DNM3: variants seen among roughly 807,000 people sequenced by gnomAD.
DNM3 encodes dynamin 3, also known as dynamin-3.
Under a neutral mutation model 101.6 loss-of-function variants are expected in DNM3, and 47 were observed. The ratio of observed to expected loss-of-function variants is 0.46; its 90% CI spans 0.37 to 0.59. The LOEUF (loss-of-function observed/expected upper bound fraction) is 0.59. DNM3 is among the 20% of genes least tolerant of loss of function. The pLI, the probability that DNM3 is intolerant of heterozygous loss-of-function variation, is 0.00. For synonymous variants in DNM3, 385 were observed against 387.9 expected (o/e 0.99, Z 0.09); for missense variants, 849 against 1,085.7 (o/e 0.78, Z 3.06).
At chr1:172,078,925 T>G (rs80070310) in intron 11 of DNM3, among the ~76,000 whole-genome samples, 6 of 152,196 alleles carry the variant, frequency 3.9e-5, no homozygotes, top group Non-Finnish European at 7.4e-5. Flanking sequence ...GAAATTTCTT[T>G]AAGAATGTTG....
intron 14 of DNM3, among the ~76,000 whole-genome samples, chr1:172,231,793 A>G (rs1206457557): frequency 2.6e-5 from 4 of 152,242 alleles, no homozygotes; most frequent in Non-Finnish European, 4.4e-5. Flanking sequence ...CTATGTGATG[A>G]ATGCACAAGC....
At chr1:172,364,942 A>G (rs2067930507) in intron 17 of DNM3, among the ~76,000 whole-genome samples, 1 of 151,906 alleles carries the variant, frequency 6.6e-6, no homozygotes, top group Non-Finnish European at 1.5e-5. Context: ...AGATGCTAGT[A>G]TCATGCTTTC....
chr1:172,304,239 A>T (rs1286477137), intron 15 of DNM3, among the ~76,000 whole-genome samples: 2 of 145,886 alleles, frequency 1.4e-5, no homozygotes, highest in Admixed American at 6.7e-5. Context: ...TTGCAATCCT[A>T]GTCTCTGATA....
intron 12 of DNM3, among the ~76,000 whole-genome samples, chr1:172,088,165 T>A (rs1358529364): frequency 1.3e-5 from 2 of 152,224 alleles, no homozygotes; most frequent in African/African-American, 4.8e-5. Context: ...TTGATGCTCT[T>A]GACTATCAAG....
intron 4 of DNM3, 22 bp downstream of exon 4, chr1:171,989,170 T>C: frequency 6.2e-7 from 1 of 1,603,640 alleles, no homozygotes; most frequent in Non-Finnish European, 8.5e-7. Context: ...ACTACTAAGA[T>C]GAGAAGGAAT....
intron 11 of DNM3, among the ~76,000 whole-genome samples, chr1:172,076,880 A>G (rs1324832084): frequency 2.0e-5 from 3 of 152,170 alleles, no homozygotes; most frequent in Admixed American, 2.0e-4. Context: ...GAATAGTTTC[A>G]GAAGGAATAG....
chr1:172,083,571 C>G (rs1453773642), intron 12 of DNM3, among the ~76,000 whole-genome samples: 1 of 152,110 alleles, frequency 6.6e-6, no homozygotes. Context: ...AGGATGCTGC[C>G]TTGTTGTGGT....
intron 15 of DNM3, among the ~76,000 whole-genome samples, chr1:172,293,969 C>T (rs1027702917): frequency 1.1e-4 from 16 of 152,166 alleles, no homozygotes; most frequent in Admixed American, 7.9e-4. Flanking sequence ...GCTGGCCACG[C>T]GCTCCCATGA....
At chr1:171,864,887 G>A (rs776541700) in intron 1 of DNM3, among the ~76,000 whole-genome samples, 1 of 151,576 alleles carries the variant, frequency 6.6e-6, no homozygotes, top group Non-Finnish European at 1.5e-5. Flanking sequence ...GTATAGCTTG[G>A]AGTTCCAAAT....
chr1:172,362,561 CT>C (rs2067796742), intron 17 of DNM3, among the ~76,000 whole-genome samples: 1 of 151,960 alleles, frequency 6.6e-6, no homozygotes, highest in Non-Finnish European at 1.5e-5. Context: ...TGTCTTTAGT[CT>C]TTTGCCTTCT....
At chr1:172,087,541 A>G (rs2053615232) in intron 12 of DNM3, among the ~76,000 whole-genome samples, 1 of 152,124 alleles carries the variant, frequency 6.6e-6, no homozygotes, top group Non-Finnish European at 1.5e-5. Context: ...TATAATTTTT[A>G]ACTTCTATGT....
At chr1:172,093,551 A>G (rs576443278) in intron 13 of DNM3, 1 of 606,192 alleles carries the variant, frequency 1.6e-6, no homozygotes, top group African/African-American at 1.9e-5. Flanking sequence ...TTTTTAAAAA[A>G]CTTTCAGAGG....
intron 4 of DNM3, among the ~76,000 whole-genome samples, chr1:171,995,870 T>C (rs1454842668): frequency 6.6e-6 from 1 of 152,170 alleles, no homozygotes; most frequent in Admixed American, 6.6e-5. Context: ...ATTATCGTCT[T>C]CTGAGAGGTA....
Position 172,032,384 on chromosome 1 carries a change from G to T in DNM3, c.590-18G>T. Reference sequence around the variant, plus strand: ...GTCTTCTGCAAATTGTGTAATGTTGGGTTTGTTTATGATGCAGGTCTGAGA... The same window carrying T: ...GTCTTCTGCAAATTGTGTAATGTTGTGTTTGTTTATGATGCAGGTCTGAGA... On this transcript the variant is annotated intron_variant, in intron 4 of 20. Transcript: ENST00000627582. 1 of 1,584,766 alleles carries T rather than the reference G, an allele frequency of 6.3e-7. No homozygotes were observed. Among genetic ancestry groups the T allele is most frequent in the Non-Finnish European group, 8.7e-7 (1 of 1,154,708 alleles).
At chr1:172,224,466 A>G (rs2148578522) in intron 14 of DNM3, among the ~76,000 whole-genome samples, 1 of 152,280 alleles carries the variant, frequency 6.6e-6, no homozygotes, top group East Asian at 1.9e-4. Context: ...CCAGAGAGGA[A>G]GAAAGAGGAT....
chr1:172,018,223 A>G (rs1303657732), intron 4 of DNM3, among the ~76,000 whole-genome samples: 1 of 152,102 alleles, frequency 6.6e-6, no homozygotes, highest in Non-Finnish European at 1.5e-5. Context: ...AGTTGAATTA[A>G]TATCTATTAT....
intron 1 of DNM3, among the ~76,000 whole-genome samples, chr1:171,886,126 C>T (rs2036744770): frequency 1.3e-5 from 2 of 152,154 alleles, no homozygotes; most frequent in South Asian, 4.1e-4. Context: ...ATAAGAATGG[C>T]TTCTGAGATA....
chr1:172,326,229 T>C (rs1266143312), intron 17 of DNM3, among the ~76,000 whole-genome samples: 1 of 129,602 alleles, frequency 7.7e-6, no homozygotes, highest in Non-Finnish European at 1.6e-5. Context: ...TGTGAGGAGA[T>C]CACAGTTGCT....
At chr1:171,905,254 C>G (rs903447248) in intron 1 of DNM3, among the ~76,000 whole-genome samples, 1 of 152,182 alleles carries the variant, frequency 6.6e-6, no homozygotes, top group Non-Finnish European at 1.5e-5. Flanking sequence ...CCTGAAATGT[C>G]GTCATCCTCA....
Sources: allele counts gnomAD v4.1 joint callset (sites outside exome capture counted in the v4.1 genomes callset), GRCh38; gene constraint gnomAD v4.1.1; transcripts MANE v1.5; gene names NCBI Gene and HGNC (gene_info 2026-07-23, HGNC 2026-07-21).